Variants in ASXL2 observed in about 807,000 individuals in gnomAD.
The protein encoded by ASXL2 is ASXL transcriptional regulator 2.
ASXL2 carries 23 observed loss-of-function variants against 122.0 expected under a neutral mutation model. The observed-to-expected ratio is 0.19, with a 90% CI of 0.14 to 0.27. The LOEUF (loss-of-function observed/expected upper bound fraction) is 0.27, where lower values mean the gene tolerates loss of function less well. Ranked by LOEUF, ASXL2 falls within the 10% of genes least tolerant of loss-of-function variation. The pLI is 1.00. For missense variants in ASXL2, 1,518 were observed against 1,713.8 expected (o/e 0.89, Z 2.02); for synonymous variants, 650 against 637.0 (o/e 1.02, Z -0.31).
At chr2:25,794,045 T>TA (rs1260115284) in intron 5 of ASXL2, among the ~76,000 whole-genome samples, 1 of 152,206 alleles carries the variant, frequency 6.6e-6, no homozygotes, top group Non-Finnish European at 1.5e-5. Context: ...GCCTCCAGTA[T>TA]ACTTTTAAAA....
chr2:25,854,798 T>C (rs1384711885), intron 1 of ASXL2, among the ~76,000 whole-genome samples: 1 of 152,188 alleles, frequency 6.6e-6, no homozygotes, highest in Non-Finnish European at 1.5e-5. Flanking sequence ...AGATGATGAA[T>C]ATTAATACGG....
chr2:25,771,371 T>C (rs753334825), intron 6 of ASXL2, 69 bp downstream of exon 6: 1 of 1,392,254 alleles, frequency 7.2e-7, no homozygotes, highest in East Asian at 2.5e-5. Flanking sequence ...AAATATCCGA[T>C]GACTGCCAGA....
intron 11 of ASXL2, among the ~76,000 whole-genome samples, 196 bp downstream of exon 11, chr2:25,753,332 ATCTAAT>A (rs747982045): frequency 6.6e-6 from 1 of 151,818 alleles, no homozygotes; most frequent in Non-Finnish European, 1.5e-5. Context: ...ATGATGAGTA[ATCTAAT>A]TCTGTGAACC....
At chr2:25,873,844 TCA>T (rs2089987312) in intron 1 of ASXL2, among the ~76,000 whole-genome samples, 1 of 151,986 alleles carries the variant, frequency 6.6e-6, no homozygotes, top group Non-Finnish European at 1.5e-5. Flanking sequence ...CCACCTACAA[TCA>T]CACACACTTG....
chr2:25,769,340 C>T (rs563184769), intron 6 of ASXL2, among the ~76,000 whole-genome samples: 1 of 152,262 alleles, frequency 6.6e-6, no homozygotes, highest in African/African-American at 2.4e-5. Flanking sequence ...TCAGTTTACG[C>T]AGGCTTCAGA....
intron 1 of ASXL2, among the ~76,000 whole-genome samples, chr2:25,853,974 A>G (rs1223525363): frequency 6.6e-6 from 1 of 152,202 alleles, no homozygotes; most frequent in Non-Finnish European, 1.5e-5. Context: ...ATAAATTTAC[A>G]GATTTGGGCG....
intron 1 of ASXL2, among the ~76,000 whole-genome samples, chr2:25,872,090 A>G (rs2089965968): frequency 1.3e-5 from 2 of 152,232 alleles, no homozygotes; most frequent in Non-Finnish European, 2.9e-5. Context: ...CACAAGCCCA[A>G]AGAGCTACAT....
intron 1 of ASXL2, among the ~76,000 whole-genome samples, chr2:25,854,227 A>T (rs1048955806): frequency 6.6e-6 from 1 of 152,206 alleles, no homozygotes; most frequent in Non-Finnish European, 1.5e-5. Context: ...GTTCAAGAAA[A>T]AAAGCTCTCA....
chr2:25,759,371 T>C lies in ASXL2; in HGVS notation c.939+111A>G, dbSNP rs895795606. On this transcript the variant is annotated intron_variant, in intron 9 of 12. Coordinates refer to ENST00000435504, the MANE Select transcript of ASXL2 (RefSeq NM_018263.6). Reference sequence around the variant, plus strand: ...CCTAAGCCTTAAAAAAACCTGCCTATTAAGAAACTTATGTAAAAATATTCT... The same window carrying C: ...CCTAAGCCTTAAAAAAACCTGCCTACTAAGAAACTTATGTAAAAATATTCT... 8.4e-6 allele frequency: 10 copies of C among 1,195,006 alleles called. No homozygotes were observed. In the East Asian group the frequency reaches 2.4e-4, roughly 29 times the overall value. 74.0% of individuals were successfully genotyped at this position (1,195,006 alleles called of 1,614,324 possible).
At chr2:25,785,470 C>A (rs1393935239) in intron 5 of ASXL2, among the ~76,000 whole-genome samples, 1 of 151,962 alleles carries the variant, frequency 6.6e-6, no homozygotes, top group Admixed American at 6.6e-5. Flanking sequence ...AGTGATTGGC[C>A]CACCTCCATT....
At position 25,743,542 on chromosome 2, in the gene ASXL2, G is replaced by T; in HGVS notation, c.2795C>A (p.Ser932Tyr). ...AASSLKTPGT[S>Y]LNMNGPTLRP... ...TAAAGTGGGTCCATTCATGTTTAAA[G>T]AAGTTCCTGGGGTTTTAAGGCTAGA... The change falls in exon 13 of 13, where the codon TCT (serine) becomes TAT (tyrosine). Residue 932 changes from serine (S) to tyrosine (Y), a missense_variant. Transcript: ENST00000435504. 6.2e-7 allele frequency: 1 copy of T among 1,614,016 alleles called. No homozygotes were observed. Among genetic ancestry groups the T allele is most frequent in the Non-Finnish European group, 8.5e-7 (1 of 1,179,892 alleles).
chr2:25,757,064 C>T (rs1357229799), intron 9 of ASXL2, among the ~76,000 whole-genome samples: 1 of 152,120 alleles, frequency 6.6e-6, no homozygotes, highest in African/African-American at 2.4e-5. Context: ...ATACCTCTTC[C>T]ATATCATGGG....
chr2:25,784,342 A>G (rs2088704119), intron 5 of ASXL2, among the ~76,000 whole-genome samples: 1 of 152,188 alleles, frequency 6.6e-6, no homozygotes, highest in African/African-American at 2.4e-5. Flanking sequence ...TCACTTAAGG[A>G]AGATAATTAA....
intron 2 of ASXL2, 138 bp from the exon 3 acceptor site, chr2:25,835,678 A>AC (rs1425311664): frequency 1.7e-5 from 3 of 173,418 alleles, no homozygotes; most frequent in Non-Finnish European, 3.8e-5. Context: ...CAAATTAGTA[A>AC]CCCCCTCATT....
intron 3 of ASXL2, among the ~76,000 whole-genome samples, chr2:25,809,534 T>G (rs1282953880): frequency 6.6e-6 from 1 of 152,106 alleles, no homozygotes; most frequent in African/African-American, 2.4e-5. Flanking sequence ...GAAAGGGCAA[T>G]ATGCATTAAG....
At chr2:25,841,717 G>A (rs186871165) in intron 2 of ASXL2, among the ~76,000 whole-genome samples, 441 of 152,134 alleles carry the variant, frequency 2.9e-3, no homozygotes, top group Admixed American at 7.1e-3. Context: ...GGAGACCGAG[G>A]AGGGTGGATC....
intron 8 of ASXL2, among the ~76,000 whole-genome samples, chr2:25,765,890 C>T (rs888094481): frequency 6.6e-5 from 10 of 152,228 alleles, no homozygotes; most frequent in African/African-American, 2.4e-4. Flanking sequence ...TTATTCTTAG[C>T]AGTGAAACTG....
chr2:25,788,710 A>G (rs895543932), intron 5 of ASXL2, among the ~76,000 whole-genome samples: 13 of 152,126 alleles, frequency 8.5e-5, no homozygotes, highest in African/African-American at 3.1e-4. Flanking sequence ...ACTCCTTTTC[A>G]TTATTAATCA....
Position 25,763,082 on chromosome 2 carries a change from A to G in ASXL2, c.776-3437T>C, listed in dbSNP as rs1341854087. Among the ~76,000 whole-genome samples the G allele has an allele frequency of 2.0e-5, 3 of 152,240 alleles. No homozygotes were observed. In the East Asian group the frequency reaches 5.8e-4, roughly 29 times the overall value. Reference sequence around the variant, plus strand: ...TTCAAAACATGTGAAATAAAAACTGAAAGAACAGGGAGAACTGGACAAACC... The same window carrying G: ...TTCAAAACATGTGAAATAAAAACTGGAAGAACAGGGAGAACTGGACAAACC... On this transcript the variant is annotated intron_variant, in intron 8 of 12. Transcript: ENST00000435504.
Sources: gnomAD v4.1 joint callset for allele counts (sites outside exome capture counted in the v4.1 genomes callset) on GRCh38, gnomAD v4.1.1 for gene constraint, MANE v1.5 for transcripts, NCBI Gene and HGNC (gene_info 2026-07-23, HGNC 2026-07-21) for gene names.